The following ERC1 variants were observed in gnomAD, a reference collection of about 807,000 sequenced individuals.
ERC1 encodes RAB6 interacting protein 2.
ERC1 carries 56 observed loss-of-function variants against 132.0 expected under a neutral mutation model. The ratio of observed to expected loss-of-function variants is 0.42; its 90% CI spans 0.34 to 0.53. The LOEUF (loss-of-function observed/expected upper bound fraction) is 0.53, where lower values mean the gene tolerates loss of function less well. Among genes scored for constraint, ERC1 ranks in the 20% least tolerant of loss-of-function variants. ERC1 has a pLI of 0.03. For missense variants in ERC1, 1,202 were observed against 1,349.9 expected, an observed-to-expected ratio of 0.89 and a Z score of 1.72; for synonymous variants, 478 against 476.1, an observed-to-expected ratio of 1.00 and a Z score of -0.05.
At chr12:1,275,902 TGTA>T (rs1170181054) in intron 14 of ERC1, among the ~76,000 whole-genome samples, 1 of 152,206 alleles carries the variant, frequency 6.6e-6, no homozygotes, top group African/African-American at 2.4e-5. Context: ...CTACAATTCT[TGTA>T]GATTTACTGA....
intron 2 of ERC1, among the ~76,000 whole-genome samples, chr12:1,029,997 C>G (rs1967702099): frequency 6.6e-6 from 1 of 152,162 alleles, no homozygotes; most frequent in South Asian, 2.1e-4. Flanking sequence ...GTCCACCTGC[C>G]TTGGCCTCCC....
At chr12:1,388,456 C>T (rs2089628504) in intron 16 of ERC1, among the ~76,000 whole-genome samples, 1 of 151,700 alleles carries the variant, frequency 6.6e-6, no homozygotes, top group African/African-American at 2.4e-5. Context: ...ATCCTGAGAT[C>T]AGGGAGCCAT....
At chr12:1,193,026 G>A (rs1328608340) in intron 12 of ERC1, among the ~76,000 whole-genome samples, 1 of 152,108 alleles carries the variant, frequency 6.6e-6, no homozygotes, top group Non-Finnish European at 1.5e-5. Context: ...CCCACTAAGT[G>A]CAAAAATGAA....
Position 1,017,028 on chromosome 12 carries a change from G to T in ERC1, c.-156-10720G>T, listed in dbSNP as rs181758573. Among the ~76,000 whole-genome samples the T allele has an allele frequency of 1.5e-3, 216 of 148,918 alleles. 9 individuals carry two copies. The highest frequency in any genetic ancestry group is 0.014 in the Admixed American group (215 of 14,998). ...TATTATTTTTTTGAGATGGAATCTT[G>T]CTCTGTCACCCAGGCTGGAGTGCAG... On this transcript the variant is annotated intron_variant, in intron 1 of 18. Transcript: ENST00000360905.
In ERC1 at chr12:1,182,349, G is replaced by T. The variant is rs1384610131; in HGVS notation, c.2016+284G>T. On this transcript the variant is annotated intron_variant, in intron 10 of 18. Transcript: ENST00000360905. ...AGTAACTGAAGCTCAGATACATTTG[G>T]AGAAATAGTGTGCTAAAGATAAGAA... 2.6e-5 allele frequency among the ~76,000 whole-genome samples: 4 copies of T among 152,142 alleles called. No individual in the cohort carries two copies. In the East Asian group the frequency reaches 7.7e-4, roughly 29 times the overall value.
At chr12:1,099,381 C>T (rs140131112) in intron 3 of ERC1, among the ~76,000 whole-genome samples, 15 of 151,940 alleles carry the variant, frequency 9.9e-5, no homozygotes, top group East Asian at 1.9e-4. Flanking sequence ...TTTAGTTGGC[C>T]GAAAACATAC....
intron 14 of ERC1, among the ~76,000 whole-genome samples, chr12:1,289,135 CTATA>C (rs2079250155): frequency 1.6e-5 from 2 of 127,676 alleles, no homozygotes; most frequent in African/African-American, 5.8e-5. Context: ...ACACACATAA[CTATA>C]TAGGTATATA....
chr12:1,326,717 A>C (rs2154356059), intron 15 of ERC1, among the ~76,000 whole-genome samples: 1 of 152,314 alleles, frequency 6.6e-6, no homozygotes, highest in Middle Eastern at 3.4e-3. Flanking sequence ...TTCCCTGTTT[A>C]TGAATAGTTC....
intron 8 of ERC1, among the ~76,000 whole-genome samples, chr12:1,164,752 G>A (rs1281094304): frequency 6.6e-6 from 1 of 152,168 alleles, no homozygotes; most frequent in East Asian, 1.9e-4. Flanking sequence ...GGAAGACATT[G>A]TTGTGACCAT....
At chr12:1,185,879 T>A (rs889068015) in intron 11 of ERC1, among the ~76,000 whole-genome samples, 1 of 152,216 alleles carries the variant, frequency 6.6e-6, no homozygotes, top group Non-Finnish European at 1.5e-5. Context: ...CATTCAGGAC[T>A]GCTTCTCTTT....
Position 1,490,304 on chromosome 12 carries a change from G to A in ERC1, c.*74G>A, listed in dbSNP as rs1432649799. On this transcript the variant is annotated 3_prime_UTR_variant, in exon 19 of 19. Coordinates refer to ENST00000360905, the MANE Select transcript of ERC1 (RefSeq NM_178040.4). ...AGAGAACTACGAGGAACAGGTGCCC[G>A]GAACCTTCTTGGCACCAAACACTAC... 2.0e-5 allele frequency: 30 copies of A among 1,475,720 alleles called. No homozygotes were observed. Among genetic ancestry groups the A allele is most frequent in the Admixed American group, 8.0e-5 (4 of 50,010 alleles). The allele number at this position is 1,475,720 out of a possible 1,614,324, so 91.4% of individuals were successfully genotyped here. A position where few individuals can be genotyped will look rare whatever the true frequency, so the allele number is the denominator to read the frequency against.
rs1013853030 is a variant in ERC1, at chr12:1,065,600, G to T, written c.670-17564G>T. On this transcript the variant is annotated intron_variant, in intron 2 of 18. Transcript: ENST00000360905. ...TTCAGAGATTTCTTTTTTTGGGGCG[G>T]GGGGGGACGGATTTCTTCCTAGAGA... is the stretch of plus-strand genomic sequence containing the variant. Among the ~76,000 whole-genome samples, 7 of 5,900 alleles carry T rather than the reference G, an allele frequency of 1.2e-3. 2 individuals are homozygous for T. The highest frequency in any genetic ancestry group is 3.9e-3 in the Admixed American group (2 of 510). The allele number at this position is 5,900 out of a possible 152,430, so 3.9% of individuals were successfully genotyped here. A position where few individuals can be genotyped will look rare whatever the true frequency, so the allele number is the denominator to read the frequency against.
intron 17 of ERC1, among the ~76,000 whole-genome samples, chr12:1,424,901 G>GATAT (rs2092585547): frequency 6.7e-6 from 1 of 150,188 alleles, no homozygotes; most frequent in African/African-American, 2.5e-5. Flanking sequence ...TAGATAGATA[G>GATAT]ATAGATAGAT....
chr12:1,116,089 C>A, intron 7 of ERC1, 56 bp downstream of exon 7: 2 of 1,467,380 alleles, frequency 1.4e-6, no homozygotes, highest in Non-Finnish European at 1.9e-6. Context: ...TTTTCATAAG[C>A]GTTACCTGTG....
chr12:1,060,892 A>AT (rs151285683), intron 2 of ERC1, among the ~76,000 whole-genome samples: 12 of 150,948 alleles, frequency 7.9e-5, no homozygotes, highest in African/African-American at 2.9e-4. Context: ...CGCCTGGCTA[A>AT]TTTTTTTTGC....
At chr12:1,249,108 A>T (rs2076325638) in intron 13 of ERC1, among the ~76,000 whole-genome samples, 2 of 151,878 alleles carry the variant, frequency 1.3e-5, no homozygotes, top group Admixed American at 1.3e-4. Context: ...CCCAGTCTGG[A>T]CTTGAACTCC....
chr12:1,405,974 A>G (rs773021013), intron 16 of ERC1, among the ~76,000 whole-genome samples: 1 of 152,214 alleles, frequency 6.6e-6, no homozygotes, highest in Admixed American at 6.5e-5. Context: ...ACACGTATAC[A>G]TATATGTGTA....
chr12:1,163,099 C>T (rs1952031485), intron 8 of ERC1, among the ~76,000 whole-genome samples: 1 of 152,058 alleles, frequency 6.6e-6, no homozygotes, highest in South Asian at 2.1e-4. Flanking sequence ...AACTTTTTTT[C>T]CCCTCCCTTT....
chr12:1,317,910 T>G (rs1253502893), intron 15 of ERC1, among the ~76,000 whole-genome samples: 2 of 152,218 alleles, frequency 1.3e-5, no homozygotes, highest in Non-Finnish European at 2.9e-5. Flanking sequence ...CTATAGTTTC[T>G]CATAAATAAT....
Sources: gnomAD v4.1 joint callset for allele counts (sites outside exome capture counted in the v4.1 genomes callset) on GRCh38, gnomAD v4.1.1 for gene constraint, MANE v1.5 for transcripts, NCBI Gene and HGNC (gene_info 2026-07-23, HGNC 2026-07-21) for gene names.